Variants in MAGT1 observed in about 807,000 individuals in gnomAD.
MAGT1 encodes the protein magnesium transporter 1, also known as dolichyl-diphosphooligosaccharide--protein glycosyltransferase subunit MAGT1.
Under a neutral mutation model 28.4 loss-of-function variants are expected in MAGT1, and 4 were observed. The ratio of observed to expected loss-of-function variants is 0.14; its 90% CI spans 0.07 to 0.32. MAGT1 has a LOEUF of 0.32. Among genes scored for constraint, MAGT1 ranks in the 10% least tolerant of loss-of-function variants. The pLI is 1.00. For synonymous variants in MAGT1, 89 were observed against 89.7 expected (o/e 0.99, Z 0.04); for missense variants, 193 against 264.5 (o/e 0.73, Z 1.88).
chrX:77,882,135 A>G (rs1443675397), intron 1 of MAGT1, among the ~76,000 whole-genome samples: 1 of 112,247 alleles, frequency 8.9e-6, no homozygotes, highest in East Asian at 2.8e-4. Flanking sequence ...TTAGGTATAG[A>G]TGGGACGTAT....
At chrX:77,860,993 T>A (rs1184821579) in intron 3 of MAGT1, among the ~76,000 whole-genome samples, 1 of 109,063 alleles carries the variant, frequency 9.2e-6, no homozygotes, top group Non-Finnish European at 1.9e-5. Context: ...CTGACCAACA[T>A]GGAGAAACCC....
In MAGT1 at chrX:77,889,141, T is replaced by TA. The variant is rs2077074767; in HGVS notation, c.102+6167_102+6168insT. Among the ~76,000 whole-genome samples the TA allele has an allele frequency of 5.9e-5, 5 of 84,524 alleles. No homozygotes were observed. In the South Asian group the frequency reaches 3.1e-3, roughly 52 times the overall value. The allele number at this position is 84,524 out of a possible 115,157, so 73.4% of individuals were successfully genotyped here. On this transcript the variant is annotated intron_variant, in intron 1 of 9. Coordinates refer to ENST00000618282, the MANE Select transcript of MAGT1 (RefSeq NM_001367916.1). ...AGGCACACACCACCATGCTCTGCTA[T>TA]TTTTTTTTTTTTTTTTTTTGCTAGG...
At chrX:77,868,841 G>T (rs192286223) in intron 3 of MAGT1, among the ~76,000 whole-genome samples, 2 of 110,968 alleles carry the variant, frequency 1.8e-5, no homozygotes, top group African/African-American at 6.5e-5. Context: ...AAATAGTTGT[G>T]AGAGGTCATG....
At chrX:77,843,453 C>T in intron 7 of MAGT1, among the ~76,000 whole-genome samples, 1 of 110,957 alleles carries the variant, frequency 9.0e-6, no homozygotes, top group Middle Eastern at 4.6e-3. Context: ...CCAGGCTGGT[C>T]TCAAACTCCT....
chrX:77,881,080 T>C (rs2077050959), intron 1 of MAGT1, among the ~76,000 whole-genome samples: 1 of 108,808 alleles, frequency 9.2e-6, no homozygotes, highest in Admixed American at 1.0e-4. Context: ...AGGAGGAAGA[T>C]AGAGAATATT....
At chrX:77,876,158 A>ATATATG (rs2077033697) in intron 1 of MAGT1, among the ~76,000 whole-genome samples, 1 of 30,793 alleles carries the variant, frequency 3.2e-5, no homozygotes, top group African/African-American at 1.1e-4. Flanking sequence ...ATATATATAT[A>ATATATG]TATATATTTT....
At chrX:77,856,103 C>T (rs2076980962) in intron 5 of MAGT1, among the ~76,000 whole-genome samples, 1 of 111,183 alleles carries the variant, frequency 9.0e-6, no homozygotes, top group African/African-American at 3.3e-5. Flanking sequence ...ACTATGCAGA[C>T]ACAAGTTTCA....
At chrX:77,846,659 C>T (rs969378200) in intron 7 of MAGT1, among the ~76,000 whole-genome samples, 1 of 112,346 alleles carries the variant, frequency 8.9e-6, no homozygotes, top group African/African-American at 3.2e-5. Context: ...ACAGTCAGCA[C>T]CCTCAGCTGC....
rs143740763 is a variant in MAGT1 at position 77,877,214 on chromosome X, G to A, written c.103-1617C>T. On this transcript the variant is annotated intron_variant, in intron 1 of 9. Transcript: ENST00000618282. Reference sequence around the variant, plus strand: ...TACTGGACCTCATCAAAATTCAGCCGGATGTGGTGGCTCATGCCTCTACTC... The same window carrying A: ...TACTGGACCTCATCAAAATTCAGCCAGATGTGGTGGCTCATGCCTCTACTC... 3.6e-3 allele frequency among the ~76,000 whole-genome samples: 402 copies of A among 110,442 alleles called. 3 individuals are homozygous for A. Among genetic ancestry groups the A allele is most frequent in the African/African-American group, 0.012 (378 of 30,462 alleles).
At chrX:77,843,682 T>C (rs1273465873) in intron 7 of MAGT1, among the ~76,000 whole-genome samples, 3 of 111,864 alleles carry the variant, frequency 2.7e-5, no homozygotes, top group African/African-American at 9.7e-5. Flanking sequence ...CATTTCGTTT[T>C]TTAAAATTTT....
intron 1 of MAGT1, among the ~76,000 whole-genome samples, chrX:77,888,969 A>ATATTAT (rs781911390): frequency 1.9e-5 from 2 of 107,902 alleles, no homozygotes; most frequent in Non-Finnish European, 3.8e-5. Flanking sequence ...CAACTACATT[A>ATATTAT]TATTATTATT....
At chrX:77,895,444 G>A, upstream of MAGT1, 1 of 1,202,883 alleles carries the variant, frequency 8.3e-7, no homozygotes, top group Non-Finnish European at 1.1e-6. Flanking sequence ...GTGAAACTTT[G>A]CTCCGGCTAG....
intron 1 of MAGT1, among the ~76,000 whole-genome samples, chrX:77,885,076 AAAGAG>A (rs1307002939): frequency 2.8e-5 from 3 of 107,292 alleles, no homozygotes; most frequent in Non-Finnish European, 5.8e-5. Context: ...AAAAAAAAAA[AAAGAG>A]AGAGACAGGG....
At chrX:77,887,811 G>A (rs1603365176) in intron 1 of MAGT1, among the ~76,000 whole-genome samples, 3 of 112,120 alleles carry the variant, frequency 2.7e-5, no homozygotes, top group South Asian at 7.4e-4. Context: ...TACTTTTCCC[G>A]CTAATAGTTT....
Position 77,829,061 on chromosome X carries a change from G to T in MAGT1, c.*159C>A. The T allele has an allele frequency of 2.2e-6, 1 of 445,340 alleles. No individual in the cohort carries two copies. The highest frequency in any genetic ancestry group is 4.0e-6 in the Non-Finnish European group (1 of 248,504). 36.7% of individuals were successfully genotyped at this position (445,340 alleles called of 1,213,427 possible). Reference sequence around the variant, plus strand: ...ATTTTGACAGAGGATTGCTTGTTAAGGCACTACACATCTTCTTTGGTTAAA... The same window carrying T: ...ATTTTGACAGAGGATTGCTTGTTAATGCACTACACATCTTCTTTGGTTAAA... On this transcript the variant is annotated 3_prime_UTR_variant, in exon 10 of 10. Transcript: ENST00000618282.
chrX:77,895,258 T>A (rs782328320), intron 1 of MAGT1, 51 bp downstream of exon 1: 3 of 1,178,265 alleles, frequency 2.5e-6, no homozygotes, highest in Non-Finnish European at 2.3e-6. Context: ...CAGACCCTCT[T>A]AAGCCCCAGT....
At chrX:77,838,092 T>C (rs1219034018) in intron 8 of MAGT1, among the ~76,000 whole-genome samples, 1 of 111,843 alleles carries the variant, frequency 8.9e-6, no homozygotes, top group Non-Finnish European at 1.9e-5. Flanking sequence ...TTCATGAAAG[T>C]AAAACCAAAT....
intron 2 of MAGT1, among the ~76,000 whole-genome samples, chrX:77,874,424 C>T (rs1340553555): frequency 9.3e-6 from 1 of 107,033 alleles, no homozygotes; most frequent in Non-Finnish European, 1.9e-5. Context: ...GGTGAAACTC[C>T]GTCTCTACTA....
chrX:77,854,451 C>T (rs184857791), intron 6 of MAGT1, among the ~76,000 whole-genome samples: 83 of 110,953 alleles, frequency 7.5e-4, no homozygotes, highest in African/African-American at 1.6e-3. Context: ...TGCTTGAATA[C>T]TGTACTTATA....
Sources: gnomAD v4.1 joint callset for allele counts (sites outside exome capture counted in the v4.1 genomes callset) on GRCh38, gnomAD v4.1.1 for gene constraint, MANE v1.5 for transcripts, NCBI Gene and HGNC (gene_info 2026-07-23, HGNC 2026-07-21) for gene names.